ZNF385D: variants seen among roughly 807,000 people sequenced by gnomAD.
The protein encoded by ZNF385D is zinc finger protein 385D.
In ZNF385D, 15 loss-of-function variants were observed where a neutral mutation model predicts 35.8. The observed-to-expected ratio is 0.42, with a 90% CI of 0.28 to 0.64. ZNF385D has a LOEUF of 0.64. Among genes scored for constraint, ZNF385D ranks in the 30% least tolerant of loss-of-function variants. The pLI is 0.23. For missense variants in ZNF385D, 474 were observed against 494.6 expected (o/e 0.96, Z 0.39); for synonymous variants, 212 against 186.8 (o/e 1.13, Z -1.10).
intron 3 of ZNF385D, among the ~76,000 whole-genome samples, chr3:22,001,753 T>A (rs1411237485): frequency 6.9e-6 from 1 of 144,702 alleles, no homozygotes; most frequent in African/African-American, 2.6e-5. Flanking sequence ...TAAAAAAAAA[T>A]CTAAATCCTA....
chr3:22,192,271 A>T (rs1696107426), intron 2 of ZNF385D, among the ~76,000 whole-genome samples: 1 of 152,150 alleles, frequency 6.6e-6, no homozygotes, highest in Non-Finnish European at 1.5e-5. Context: ...AGATGTCTGC[A>T]ATGAGTTGCC....
chr3:22,207,493 T>C (rs985136146), intron 2 of ZNF385D, among the ~76,000 whole-genome samples: 2 of 151,810 alleles, frequency 1.3e-5, no homozygotes, highest in Non-Finnish European at 2.9e-5. Context: ...ACTACTATAA[T>C]AAAATATTGG....
At chr3:22,372,397 C>T (rs1040743072) in intron 2 of ZNF385D, 8 of 969,852 alleles carry the variant, frequency 8.2e-6, no homozygotes, top group Non-Finnish European at 9.8e-6. Context: ...TGCCCGGCGC[C>T]CCAACGAACT....
At chr3:21,703,409 T>G (rs908754677) in intron 1 of ZNF385D, among the ~76,000 whole-genome samples, 2 of 152,128 alleles carry the variant, frequency 1.3e-5, no homozygotes, top group Non-Finnish European at 2.9e-5. Context: ...GCTTGAGATT[T>G]GGGTGGGGAC....
intron 3 of ZNF385D, among the ~76,000 whole-genome samples, chr3:21,848,347 C>T (rs1359598904): frequency 2.0e-5 from 3 of 151,726 alleles, no homozygotes; most frequent in Non-Finnish European, 4.4e-5. Flanking sequence ...ATTTCAATTA[C>T]TTCGGATAAA....
intron 3 of ZNF385D, among the ~76,000 whole-genome samples, chr3:22,119,782 T>C (rs1282997845): frequency 6.6e-6 from 1 of 152,036 alleles, no homozygotes; most frequent in East Asian, 1.9e-4. Flanking sequence ...TTTTAGGAGA[T>C]ATCTGATGAG....
chr3:21,496,664 C>T (rs1705917988), intron 4 of ZNF385D, among the ~76,000 whole-genome samples: 1 of 150,800 alleles, frequency 6.6e-6, no homozygotes, highest in South Asian at 2.1e-4. Context: ...AAAATACTAG[C>T]AAACCTAACC....
chr3:22,173,683 G>A (rs944882809), intron 2 of ZNF385D, among the ~76,000 whole-genome samples: 1 of 152,166 alleles, frequency 6.6e-6, no homozygotes, highest in African/African-American at 2.4e-5. Flanking sequence ...TTCATGTGCG[G>A]TCCACCATCG....
At chr3:21,982,520 T>C (rs977027238) in intron 3 of ZNF385D, among the ~76,000 whole-genome samples, 10 of 152,116 alleles carry the variant, frequency 6.6e-5, no homozygotes, top group African/African-American at 2.2e-4. Flanking sequence ...ATAATCATGT[T>C]GTCTGCAAAC....
intron 2 of ZNF385D, among the ~76,000 whole-genome samples, chr3:22,185,552 C>T (rs189246547): frequency 2.4e-4 from 36 of 152,284 alleles, no homozygotes; most frequent in African/African-American, 8.2e-4. Context: ...ACTGCAACCT[C>T]CGCCTCCCGG....
chr3:21,982,758 T>C (rs959681571), intron 3 of ZNF385D, among the ~76,000 whole-genome samples: 17 of 152,170 alleles, frequency 1.1e-4, no homozygotes, highest in African/African-American at 2.9e-4. Context: ...GGTATGTTTC[T>C]ACTATACCTA....
At chr3:21,684,635 G>T (rs1043161219) in intron 1 of ZNF385D, among the ~76,000 whole-genome samples, 3 of 151,966 alleles carry the variant, frequency 2.0e-5, no homozygotes, top group Admixed American at 6.6e-5. Flanking sequence ...AAAAGTCTCT[G>T]ACATGGCATA....
chr3:22,238,424 T>A (rs998934998), intron 2 of ZNF385D, among the ~76,000 whole-genome samples: 1 of 151,138 alleles, frequency 6.6e-6, no homozygotes, highest in South Asian at 2.2e-4. Context: ...CTTTAAAATG[T>A]CAAATTTTCA....
At position 21,512,779 on chromosome 3, in the gene ZNF385D, T is replaced by G. The variant is rs563397519; in HGVS notation, c.277-1756A>C. On this transcript the variant is annotated intron_variant, in intron 3 of 7. Transcript: ENST00000281523. ...ATGCCACTTTGAGGACAAAATTTTG[T>G]CTTTTTTTTCCCTGCCTAATTCTCA... Among the ~76,000 whole-genome samples, 32 of 152,312 alleles carry G rather than the reference T, an allele frequency of 2.1e-4. 1 individual carries two copies. In the South Asian group the frequency reaches 6.4e-3, roughly 31 times the overall value.
chr3:22,199,179 G>T (rs535415009), intron 2 of ZNF385D, among the ~76,000 whole-genome samples: 1 of 151,942 alleles, frequency 6.6e-6, no homozygotes, highest in Non-Finnish European at 1.5e-5. Flanking sequence ...GCCATTTTAA[G>T]GTCTGAAGTT....
chr3:22,078,606 G>T (rs1700585243), intron 3 of ZNF385D, among the ~76,000 whole-genome samples: 1 of 152,016 alleles, frequency 6.6e-6, no homozygotes, highest in South Asian at 2.1e-4. Flanking sequence ...AAGCAGTAAT[G>T]CCTGGTCACC....
chr3:21,858,328 T>C (rs994264960), intron 3 of ZNF385D, among the ~76,000 whole-genome samples: 1 of 152,030 alleles, frequency 6.6e-6, no homozygotes, highest in Non-Finnish European at 1.5e-5. Context: ...GGAACAGTTA[T>C]ATGCACAGTG....
chr3:21,983,205 G>T (rs1308877367), intron 3 of ZNF385D, among the ~76,000 whole-genome samples: 1 of 143,848 alleles, frequency 7.0e-6, no homozygotes, highest in African/African-American at 2.6e-5. Flanking sequence ...GGGTACATGT[G>T]CACATTGTGC....
At chr3:22,163,250 C>T (rs1706089851) in intron 3 of ZNF385D, among the ~76,000 whole-genome samples, 1 of 152,150 alleles carries the variant, frequency 6.6e-6, no homozygotes, top group African/African-American at 2.4e-5. Flanking sequence ...TTGAATCACA[C>T]AGATTCTTGA....
Sources: allele counts gnomAD v4.1 joint callset (sites outside exome capture counted in the v4.1 genomes callset), GRCh38; gene constraint gnomAD v4.1.1; transcripts MANE v1.5; gene names NCBI Gene and HGNC (gene_info 2026-07-23, HGNC 2026-07-21).